KIAA1549L: variants seen among roughly 807,000 people sequenced by gnomAD.
KIAA1549L encodes the protein UPF0606 protein KIAA1549L.
Under a neutral mutation model 160.7 loss-of-function variants are expected in KIAA1549L, and 88 were observed. That is an observed-to-expected ratio of 0.55 (90% CI 0.46 to 0.65). The LOEUF (loss-of-function observed/expected upper bound fraction) is 0.65. Among genes scored for constraint, KIAA1549L ranks in the 30% least tolerant of loss-of-function variants. KIAA1549L has a pLI of 0.00. For synonymous variants in KIAA1549L, 950 were observed against 976.7 expected (o/e 0.97, Z 0.51); for missense variants, 2,258 against 2,437.5 (o/e 0.93, Z 1.55).
Position 33,465,635 on chromosome 11 carries a change from G to A in KIAA1549L, c.239-76167G>A, listed in dbSNP as rs138743599. ...TGTTTATGCTTTTGTACAAGTGTGC[G>A]TTGAAAAGTATGGTTAACTAATGGA... On this transcript the variant is annotated intron_variant, in intron 1 of 20. Transcript: ENST00000658780. 6.0e-4 allele frequency among the ~76,000 whole-genome samples: 92 copies of A among 152,248 alleles called. 1 individual carries two copies. Among genetic ancestry groups the A allele is most frequent in the African/African-American group, 1.9e-3 (78 of 41,536 alleles).
In KIAA1549L at chr11:33,658,793, A is replaced by G. The variant is rs752734044; in HGVS notation, c.5902A>G (p.Thr1968Ala). 2 of 1,568,676 alleles carry G rather than the reference A, an allele frequency of 1.3e-6. No homozygotes were observed. The highest frequency in any genetic ancestry group is 1.7e-6 in the Non-Finnish European group (2 of 1,157,672). The change falls in exon 19 of 21, where the codon ACA (threonine) becomes GCA (alanine). Residue 1968 changes from threonine to alanine, a missense_variant. Physicochemically the swap from Thr to Ala is moderately conservative, Grantham distance 58. Coordinates refer to ENST00000658780, the MANE Select transcript of KIAA1549L (RefSeq NM_012194.3). ...CAGCAAGACCAGAATGGCCGAGTCT[A>G]CAGGGCCCGAGCCGGCCCAGCTGCA... ...IGSKTRMAES[T>A]GPEPAQLHDS...
intron 9 of KIAA1549L, 44 bp downstream of exon 9, chr11:33,568,271 T>C: frequency 6.6e-7 from 1 of 1,503,968 alleles, no homozygotes; most frequent in Non-Finnish European, 9.0e-7. Flanking sequence ...TAACTGGGGG[T>C]AGAGGGGGGG....
At chr11:33,416,959 A>G (rs973707002) in intron 1 of KIAA1549L, among the ~76,000 whole-genome samples, 1 of 152,208 alleles carries the variant, frequency 6.6e-6, no homozygotes, top group Admixed American at 6.5e-5. Flanking sequence ...ATCAGGTGAC[A>G]TTAGAGGGGT....
intron 16 of KIAA1549L, among the ~76,000 whole-genome samples, chr11:33,628,254 A>G (rs537444218): frequency 3.4e-4 from 52 of 152,048 alleles, no homozygotes; most frequent in Non-Finnish European, 1.5e-4. Flanking sequence ...AAAAAAATGT[A>G]TATTCTGTTG....
chr11:33,644,711 CTG>C (rs770991477), intron 16 of KIAA1549L, among the ~76,000 whole-genome samples: 39 of 152,270 alleles, frequency 2.6e-4, no homozygotes, highest in Non-Finnish European at 5.0e-4. Flanking sequence ...TTTATCTTCT[CTG>C]TGCACCTTTA....
intron 1 of KIAA1549L, among the ~76,000 whole-genome samples, chr11:33,444,804 A>G (rs951418661): frequency 6.6e-6 from 1 of 152,224 alleles, no homozygotes; most frequent in African/African-American, 2.4e-5. Flanking sequence ...GAGTTCAGGG[A>G]TGAAGACGGG....
intron 16 of KIAA1549L, among the ~76,000 whole-genome samples, chr11:33,633,297 C>T (rs1851352081): frequency 6.6e-6 from 1 of 151,818 alleles, no homozygotes; most frequent in Non-Finnish European, 1.5e-5. Context: ...TCACTGCGCC[C>T]AGCCCTCTTG....
intron 1 of KIAA1549L, among the ~76,000 whole-genome samples, chr11:33,435,765 T>TATATATACAC (rs1851341257): frequency 1.2e-4 from 1 of 8,206 alleles, no homozygotes; most frequent in East Asian, 3.8e-3. Context: ...ATAAGATATA[T>TATATATACAC]ATATATATAT....
intron 1 of KIAA1549L, among the ~76,000 whole-genome samples, chr11:33,445,462 G>T (rs990072135): frequency 6.6e-6 from 1 of 152,212 alleles, no homozygotes; most frequent in Non-Finnish European, 1.5e-5. Context: ...GTTATTGAAA[G>T]GATTTGTAAT....
chr11:33,585,228 G>A (rs2133272969), intron 11 of KIAA1549L, among the ~76,000 whole-genome samples: 1 of 152,278 alleles, frequency 6.6e-6, no homozygotes, highest in South Asian at 2.1e-4. Flanking sequence ...TTCCAAGAGT[G>A]TGCATTTTGG....
At chr11:33,415,611 GC>G (rs1850872436) in intron 1 of KIAA1549L, among the ~76,000 whole-genome samples, 1 of 152,118 alleles carries the variant, frequency 6.6e-6, no homozygotes, top group African/African-American at 2.4e-5. Flanking sequence ...GAACAGCCAA[GC>G]CTGTGTCCTC....
chr11:33,651,169 A>G (rs1344032626), intron 17 of KIAA1549L, among the ~76,000 whole-genome samples: 1 of 152,168 alleles, frequency 6.6e-6, no homozygotes, highest in African/African-American at 2.4e-5. Context: ...GGTTCTTGCA[A>G]TTTAGTAGCT....
chr11:33,644,355 T>C (rs1851662227), intron 16 of KIAA1549L, among the ~76,000 whole-genome samples: 1 of 152,266 alleles, frequency 6.6e-6, no homozygotes, highest in South Asian at 2.1e-4. Flanking sequence ...TATAATGCAG[T>C]TATGACCTTC....
chr11:33,537,280 G>A (rs1853915784), intron 1 of KIAA1549L, among the ~76,000 whole-genome samples: 1 of 152,176 alleles, frequency 6.6e-6, no homozygotes, highest in Admixed American at 6.5e-5. Flanking sequence ...CAGGACTATG[G>A]ATCTTTCATC....
intron 1 of KIAA1549L, among the ~76,000 whole-genome samples, chr11:33,534,115 CAG>C (rs1300834650): frequency 2.0e-5 from 3 of 151,956 alleles, no homozygotes; most frequent in South Asian, 2.1e-4. Context: ...TTTTTTGAGA[CAG>C]AGTCTTGCTC....
At chr11:33,667,348 A>G (rs10836097) in intron 20 of KIAA1549L, among the ~76,000 whole-genome samples, 35,660 of 152,040 alleles carry the variant, frequency 0.23, 4,334 homozygotes, top group Middle Eastern at 0.3. Context: ...AGTTTAAAAC[A>G]CCTATTTAAT....
intron 1 of KIAA1549L, among the ~76,000 whole-genome samples, chr11:33,435,816 G>A (rs12284633): frequency 0.57 from 22,484 of 39,120 alleles, 7,339 homozygotes; most frequent in East Asian, 0.66. Context: ...ATATATGTGT[G>A]TGTATATATA....
intron 1 of KIAA1549L, among the ~76,000 whole-genome samples, chr11:33,398,110 C>T (rs562895905): frequency 1.3e-5 from 2 of 150,950 alleles, no homozygotes; most frequent in Admixed American, 6.6e-5. Flanking sequence ...TTAGTAGAGA[C>T]GGGGTTTCGC....
intron 1 of KIAA1549L, among the ~76,000 whole-genome samples, chr11:33,493,470 C>T (rs1852743953): frequency 6.6e-6 from 1 of 152,184 alleles, no homozygotes; most frequent in Non-Finnish European, 1.5e-5. Flanking sequence ...CTTGACTGCA[C>T]ATTTATGCTG....
Sources: allele counts gnomAD v4.1 joint callset (sites outside exome capture counted in the v4.1 genomes callset), GRCh38; gene constraint gnomAD v4.1.1; transcripts MANE v1.5; gene names NCBI Gene and HGNC (gene_info 2026-07-23, HGNC 2026-07-21).